FAT3: variants seen among roughly 807,000 people sequenced by gnomAD.
FAT3 encodes the protein FAT atypical cadherin 3.
In FAT3, 95 loss-of-function variants were observed where a neutral mutation model predicts 310.2. The ratio of observed to expected loss-of-function variants is 0.31; its 90% confidence interval spans 0.26 to 0.36. The LOEUF is 0.36. FAT3 is among the 10% of genes least tolerant of loss of function. The pLI, the probability that FAT3 is intolerant of heterozygous loss-of-function variation, is 1.00. For synonymous variants in FAT3, 2,314 were observed against 2,192.9 expected (o/e 1.06, Z -1.54); for missense variants, 5,408 against 5,715.6 (o/e 0.95, Z 1.74).
rs1591805138 is a variant in FAT3 at position 92,843,836 on chromosome 11, A to C, written c.10567-98A>C. 9 of 1,155,708 alleles carry C rather than the reference A, an allele frequency of 7.8e-6. No homozygotes were observed. In the East Asian group the frequency reaches 2.1e-4, roughly 27 times the overall value. The allele number at this position is 1,155,708 out of a possible 1,614,324, so 71.6% of individuals were successfully genotyped here. A position where few individuals can be genotyped will look rare whatever the true frequency, so the allele number is the denominator to read the frequency against. On this transcript the variant is annotated intron_variant, in intron 18 of 27. Transcript: ENST00000525166. The stretch of plus-strand genomic sequence containing the variant: ...GTGGCAAGGAATGAAGGAAGAAGCA[A>C]ACGTAAAGGTACAGACGTCTTCTAT...
intron 3 of FAT3, among the ~76,000 whole-genome samples, chr11:92,678,791 TACTTTTTTA>T (rs925030059): frequency 1.3e-5 from 2 of 152,208 alleles, no homozygotes; most frequent in Non-Finnish European, 2.9e-5. Context: ...AAGTTAAATA[TACTTTTTTA>T]ACTTTTTTAA....
At position 92,805,135 on chromosome 11, in the gene FAT3, T is replaced by C; in HGVS notation, c.8897-18T>C. On this transcript the variant is annotated intron_variant, in intron 10 of 27. Coordinates refer to ENST00000525166, the MANE Select transcript of FAT3 (RefSeq NM_001367949.2). ...TCATTGCACATCTTCAAAAGCTCTT[T>C]TGTTTTTTTAACTGCAGGAGGAAAC... is the stretch of plus-strand genomic sequence containing the variant. 6.2e-7 allele frequency: 1 copy of C among 1,600,882 alleles called. No individual in the cohort carries two copies. The highest frequency in any genetic ancestry group is 8.5e-7 in the Non-Finnish European group (1 of 1,172,832).
At chr11:92,400,747 A>C (rs1475257315) in intron 2 of FAT3, 1 of 152,090 alleles carries the variant, frequency 6.6e-6, no homozygotes, top group Non-Finnish European at 1.5e-5. Context: ...AATATAATAC[A>C]TAATAAAGTT....
intron 2 of FAT3, among the ~76,000 whole-genome samples, chr11:92,434,925 A>G (rs773390334): frequency 6.6e-5 from 10 of 152,160 alleles, no homozygotes; most frequent in Admixed American, 4.6e-4. Flanking sequence ...ATCAACTCCA[A>G]TGGGAATGGA....
intron 4 of FAT3, among the ~76,000 whole-genome samples, chr11:92,758,267 G>C (rs16918010): frequency 0.011 from 1,695 of 152,272 alleles, 38 homozygotes; most frequent in African/African-American, 0.038. Flanking sequence ...CAAGCAAATA[G>C]ACACTTAAAA....
At chr11:92,433,972 C>A (rs967366348) in intron 2 of FAT3, among the ~76,000 whole-genome samples, 7 of 150,626 alleles carry the variant, frequency 4.6e-5, no homozygotes, top group Admixed American at 1.3e-4. Context: ...GCCGAGATTG[C>A]GCCACTGCAC....
At chr11:92,781,912 G>A (rs1946764378) in intron 7 of FAT3, among the ~76,000 whole-genome samples, 1 of 152,170 alleles carries the variant, frequency 6.6e-6, no homozygotes, top group African/African-American at 2.4e-5. Flanking sequence ...AGCAGAGACA[G>A]CCATGTCCAA....
At chr11:92,533,502 T>C (rs1430859981) in intron 3 of FAT3, among the ~76,000 whole-genome samples, 1 of 152,198 alleles carries the variant, frequency 6.6e-6, no homozygotes, top group East Asian at 1.9e-4. Flanking sequence ...CAGATTTGGA[T>C]CTTCGAGTTA....
At position 92,649,894 on chromosome 11, in the gene FAT3, T is replaced by C. The variant is rs1164151943; in HGVS notation, c.3608-47490T>C. 9.9e-3 allele frequency among the ~76,000 whole-genome samples: 647 copies of C among 65,370 alleles called. 32 individuals are homozygous for C. The highest frequency in any genetic ancestry group is 0.033 in the African/African-American group (580 of 17,760). 42.9% of individuals were successfully genotyped at this position (65,370 alleles called of 152,430 possible). ...ATGTTCATATATATATATATATATA[T>C]ATATATATATATATATATATATGCA... On this transcript the variant is annotated intron_variant, in intron 3 of 27. Coordinates refer to ENST00000525166, the MANE Select transcript of FAT3 (RefSeq NM_001367949.2).
intron 3 of FAT3, among the ~76,000 whole-genome samples, chr11:92,633,793 C>T (rs1425569944): frequency 2.6e-5 from 4 of 152,062 alleles, no homozygotes; most frequent in African/African-American, 9.7e-5. Context: ...AAGTGATTTT[C>T]AATAAGTGAA....
chr11:92,732,255 G>A (rs1390746826), intron 4 of FAT3, among the ~76,000 whole-genome samples: 2 of 152,152 alleles, frequency 1.3e-5, no homozygotes, highest in Admixed American at 1.3e-4. Context: ...AATGCTATTA[G>A]AATCTATTTA....
At chr11:92,433,178 G>A (rs929510289) in intron 2 of FAT3, among the ~76,000 whole-genome samples, 13 of 152,192 alleles carry the variant, frequency 8.5e-5, no homozygotes, top group African/African-American at 3.1e-4. Flanking sequence ...GCCCCATGGG[G>A]GTAGGATCCA....
At chr11:92,717,390 A>AT (rs1038162105) in intron 4 of FAT3, among the ~76,000 whole-genome samples, 2 of 152,194 alleles carry the variant, frequency 1.3e-5, no homozygotes, top group Admixed American at 1.3e-4. Flanking sequence ...GGGTGTGTGC[A>AT]TTGTACTTCC....
At chr11:92,864,905 C>T (rs1367601715) in intron 21 of FAT3, among the ~76,000 whole-genome samples, 1 of 152,220 alleles carries the variant, frequency 6.6e-6, no homozygotes, top group Non-Finnish European at 1.5e-5. Context: ...TGCACATTTG[C>T]ATGACAGAGC....
intron 1 of FAT3, among the ~76,000 whole-genome samples, chr11:92,226,043 C>T (rs1045446460): frequency 7.9e-5 from 12 of 152,134 alleles, no homozygotes; most frequent in African/African-American, 2.7e-4. Flanking sequence ...CGAGCTCAGG[C>T]CCCACTCCCG....
Position 92,825,681 on chromosome 11 carries a change from A to G in FAT3, c.9482-5941A>G, listed in dbSNP as rs533210669. Among the ~76,000 whole-genome samples, 16 of 152,250 alleles carry G rather than the reference A, an allele frequency of 1.1e-4. No individual in the cohort carries two copies. The South Asian group carries it at 3.3e-3, about 32-fold the overall frequency. The stretch of plus-strand genomic sequence containing the variant: ...GCAAAGGACTAGAATGCCATTCTCA[A>G]AAGTTTTTGCTTCTGTTTGTAGGAA... On this transcript the variant is annotated intron_variant, in intron 13 of 27. Coordinates refer to ENST00000525166, the MANE Select transcript of FAT3 (RefSeq NM_001367949.2).
At chr11:92,451,998 A>G (rs1951366101) in intron 2 of FAT3, among the ~76,000 whole-genome samples, 1 of 152,152 alleles carries the variant, frequency 6.6e-6, no homozygotes, top group Non-Finnish European at 1.5e-5. Context: ...TTATGGCACT[A>G]TTTTCTCTGA....
intron 1 of FAT3, among the ~76,000 whole-genome samples, chr11:92,232,632 T>G (rs1864233449): frequency 1.8e-5 from 1 of 56,354 alleles, no homozygotes; most frequent in African/African-American, 5.2e-5. Context: ...GATGTCGTTT[T>G]TTTTTTTTTT....
chr11:92,389,902 C>A (rs1452847651), intron 2 of FAT3, among the ~76,000 whole-genome samples: 1 of 152,036 alleles, frequency 6.6e-6, no homozygotes, highest in Non-Finnish European at 1.5e-5. Flanking sequence ...TGGTCTCTGT[C>A]TAATCAACCA....
Sources: allele counts gnomAD v4.1 joint callset (sites outside exome capture counted in the v4.1 genomes callset), GRCh38; gene constraint gnomAD v4.1.1; transcripts MANE v1.5; gene names NCBI Gene and HGNC (gene_info 2026-07-23, HGNC 2026-07-21).